Variants in ARHGAP19 observed in about 807,000 individuals in gnomAD.
ARHGAP19 encodes Rho GTPase activating protein 19.
ARHGAP19 carries 48 observed loss-of-function variants against 60.9 expected under a neutral mutation model. The observed-to-expected ratio is 0.79, with a 90% confidence interval of 0.62 to 1.00. The LOEUF is 1.00. Ranked by LOEUF, ARHGAP19 falls within the 50% of genes least tolerant of loss-of-function variation. ARHGAP19 has a pLI of 0.00. For missense variants in ARHGAP19, 562 were observed against 597.2 expected, an observed-to-expected ratio of 0.94 and a Z score of 0.61; for synonymous variants, 209 against 215.5, an observed-to-expected ratio of 0.97 and a Z score of 0.27.
At chr10:97,268,636 C>T (rs928988387) in intron 1 of ARHGAP19, among the ~76,000 whole-genome samples, 4 of 152,112 alleles carry the variant, frequency 2.6e-5, no homozygotes, top group Admixed American at 1.3e-4. Flanking sequence ...GGCAAGAGAG[C>T]GTGTGTAGGG....
intron 7 of ARHGAP19, among the ~76,000 whole-genome samples, chr10:97,245,307 A>G (rs1411159658): frequency 2.6e-5 from 4 of 151,904 alleles, no homozygotes; most frequent in South Asian, 2.1e-4. Context: ...ACACTCGGCC[A>G]TAACTTCTTA....
chr10:97,264,209 T>C (rs1488945666), intron 3 of ARHGAP19, among the ~76,000 whole-genome samples: 1 of 152,174 alleles, frequency 6.6e-6, no homozygotes, highest in Admixed American at 6.5e-5. Flanking sequence ...CTCAGCACTT[T>C]GGGAGGCCTA....
At chr10:97,251,697 G>A (rs368673935) in intron 6 of ARHGAP19, among the ~76,000 whole-genome samples, 6 of 2,542 alleles carry the variant, frequency 2.4e-3, no homozygotes, top group Admixed American at 3.0e-3. Context: ...AGGAAGGGAG[G>A]GGGAGGGGAA....
At chr10:97,259,719 C>G (rs956566678) in intron 4 of ARHGAP19, 91 bp from the exon 5 acceptor site, 9 of 892,354 alleles carry the variant, frequency 1.0e-5, no homozygotes, top group Non-Finnish European at 1.5e-5. Context: ...CAACTCCCAT[C>G]AAAGAAAGAG....
At chr10:97,229,958 T>G in intron 9 of ARHGAP19, 84 bp from the exon 10 acceptor site, 1 of 991,110 alleles carries the variant, frequency 1.0e-6, no homozygotes, top group Admixed American at 2.4e-5. Context: ...AACTGTAATG[T>G]CCTTGGGTTA....
intron 1 of ARHGAP19, among the ~76,000 whole-genome samples, chr10:97,289,035 T>G (rs1315504470): frequency 4.6e-5 from 7 of 151,626 alleles, no homozygotes; most frequent in Non-Finnish European, 5.9e-5. Context: ...GCCAGGATGG[T>G]CTCGATCTCC....
intron 5 of ARHGAP19, among the ~76,000 whole-genome samples, chr10:97,257,997 T>A (rs1190756382): frequency 2.6e-5 from 4 of 152,268 alleles, no homozygotes; most frequent in Non-Finnish European, 5.9e-5. Context: ...ATACAGCAGG[T>A]CCTCGAATAA....
intron 1 of ARHGAP19, among the ~76,000 whole-genome samples, chr10:97,286,907 T>C (rs1449402659): frequency 1.3e-5 from 2 of 152,206 alleles, no homozygotes; most frequent in South Asian, 2.1e-4. Flanking sequence ...GTCTGTATTA[T>C]GTTTATACTA....
At chr10:97,232,700 T>TA (rs1209732910) in intron 9 of ARHGAP19, among the ~76,000 whole-genome samples, 1 of 152,042 alleles carries the variant, frequency 6.6e-6, no homozygotes, top group African/African-American at 2.4e-5. Context: ...TATCTATAAA[T>TA]TATAACTAGG....
At chr10:97,265,684 G>C (rs919576140) in intron 2 of ARHGAP19, 176 bp downstream of exon 2, 2 of 666,482 alleles carry the variant, frequency 3.0e-6, no homozygotes, top group Non-Finnish European at 4.9e-6. Flanking sequence ...TATTTATCTA[G>C]ACAGTTTTTA....
At chr10:97,252,101 T>C (rs1380393468) in intron 6 of ARHGAP19, among the ~76,000 whole-genome samples, 1 of 151,872 alleles carries the variant, frequency 6.6e-6, no homozygotes, top group East Asian at 1.9e-4. Flanking sequence ...CTGATAACAG[T>C]AGAGGACAGA....
rs1376735666 is a variant in ARHGAP19, at chr10:97,264,883, G to A, written c.346C>T (p.Pro116Ser). 1.2e-6 allele frequency: 2 copies of A among 1,613,322 alleles called. No individual in the cohort carries two copies. Among genetic ancestry groups the A allele is most frequent in the African/African-American group, 1.3e-5 (1 of 74,874 alleles). The change falls in exon 3 of 12, where the codon CCA becomes TCA. Residue 116 changes from proline (P) to serine (S), a missense_variant. Pro to Ser is a moderately conservative substitution (Grantham distance 74, BLOSUM62 -1). Transcript: ENST00000358531. ...RKEKGVIFGS[P>S]LTEEGIAQIY... ...TGGGCAATGCCTTCCTCCGTCAGTGGGGACCCAAATATCACTCCTTTTTCT... is the reference window on the plus strand; with the variant it reads ...TGGGCAATGCCTTCCTCCGTCAGTGAGGACCCAAATATCACTCCTTTTTCT...
intron 6 of ARHGAP19, among the ~76,000 whole-genome samples, chr10:97,251,283 A>G (rs1243283440): frequency 5.2e-5 from 1 of 19,054 alleles, no homozygotes; most frequent in Non-Finnish European, 1.1e-4. Context: ...AAGGGAAGGG[A>G]AAAAGGAAGG....
At chr10:97,272,153 T>TC (rs1554865893) in intron 1 of ARHGAP19, among the ~76,000 whole-genome samples, 3 of 147,580 alleles carry the variant, frequency 2.0e-5, no homozygotes, top group Non-Finnish European at 3.0e-5. Context: ...TTTTTTTTTT[T>TC]CAGACAGAGT....
At chr10:97,259,724 A>T (rs1791257400) in intron 4 of ARHGAP19, 96 bp from the exon 5 acceptor site, 11 of 841,508 alleles carry the variant, frequency 1.3e-5, no homozygotes, top group Non-Finnish European at 2.2e-5. Context: ...CCCATCAAAG[A>T]AAGAGGGAAA....
At chr10:97,268,095 T>TTTGCCACTTAGAA (rs1190981911) in intron 1 of ARHGAP19, among the ~76,000 whole-genome samples, 2 of 152,238 alleles carry the variant, frequency 1.3e-5, no homozygotes, top group African/African-American at 4.8e-5. Flanking sequence ...TCTTGAACAC[T>TTTGCCACTTAGAA]TTGCCACTTA....
chr10:97,286,319 C>A (rs1282922067), intron 1 of ARHGAP19, among the ~76,000 whole-genome samples: 1 of 152,194 alleles, frequency 6.6e-6, no homozygotes, highest in Non-Finnish European at 1.5e-5. Context: ...AGGCCAGGCA[C>A]GGTGGCTCAC....
chr10:97,286,353 A>T (rs1478782874), intron 1 of ARHGAP19, among the ~76,000 whole-genome samples: 6 of 152,250 alleles, frequency 3.9e-5, no homozygotes, highest in Non-Finnish European at 8.8e-5. Context: ...ACACTTTGGG[A>T]GGCCAAGGTG....
chr10:97,269,145 C>T (rs1001884664), intron 1 of ARHGAP19, among the ~76,000 whole-genome samples: 35 of 152,130 alleles, frequency 2.3e-4, no homozygotes, highest in Admixed American at 1.6e-3. Flanking sequence ...AAAATGATGG[C>T]ACTTCTAAAT....
Sources: gnomAD v4.1 joint callset for allele counts (sites outside exome capture counted in the v4.1 genomes callset) on GRCh38, gnomAD v4.1.1 for gene constraint, MANE v1.5 for transcripts, NCBI Gene and HGNC (gene_info 2026-07-23, HGNC 2026-07-21) for gene names.